ABCD3: variants seen among roughly 807,000 people sequenced by gnomAD.
ABCD3 encodes ATP binding cassette subfamily D member 3.
A neutral mutation model predicts 105.5 loss-of-function variants in ABCD3; 41 were observed. The ratio of observed to expected loss-of-function variants is 0.39; its 90% CI spans 0.30 to 0.50. The LOEUF (loss-of-function observed/expected upper bound fraction) is 0.50, where lower values mean the gene tolerates loss of function less well. Ranked by LOEUF, ABCD3 falls within the 20% of genes least tolerant of loss-of-function variation. The pLI is 0.84. For missense variants in ABCD3, 622 were observed against 806.3 expected, an observed-to-expected ratio of 0.77 and a Z score of 2.77; for synonymous variants, 258 against 269.0, an observed-to-expected ratio of 0.96 and a Z score of 0.40.
the ABCD3 span, among the ~76,000 whole-genome samples, chr1:94,406,178 AC>A: frequency 4.6e-5 from 7 of 151,916 alleles, no homozygotes; most frequent in African/African-American, 7.2e-5. Flanking sequence ...AAAAAAAAAA[AC>A]AACTATATTT....
chr1:94,447,398 T>A (rs772053995), intron 1 of ABCD3, among the ~76,000 whole-genome samples: 1 of 152,208 alleles, frequency 6.6e-6, no homozygotes, highest in Non-Finnish European at 1.5e-5. Context: ...TTAAAAAAAA[T>A]TGGCCTTTAA....
chr1:94,414,982 A>G (rs947075327), upstream of ABCD3, among the ~76,000 whole-genome samples: 1 of 152,156 alleles, frequency 6.6e-6, no homozygotes, highest in East Asian at 1.9e-4. Context: ...CTGAGGATGG[A>G]GGATCTGCTT....
intron 10 of ABCD3, among the ~76,000 whole-genome samples, chr1:94,486,240 A>T (rs886405946): frequency 1.3e-5 from 2 of 152,138 alleles, no homozygotes; most frequent in Non-Finnish European, 2.9e-5. Context: ...ATATGCAAAT[A>T]CTATGCCATT....
Position 94,474,039 on chromosome 1 carries a change from A to G in ABCD3, c.405+204A>G, listed in dbSNP as rs553070458. Among the ~76,000 whole-genome samples the G allele has an allele frequency of 2.1e-4, 31 of 148,822 alleles. No individual in the cohort carries two copies. In the South Asian group the frequency reaches 6.6e-3, roughly 32 times the overall value. On this transcript the variant is annotated intron_variant, in intron 5 of 22. Coordinates refer to ENST00000370214, the MANE Select transcript of ABCD3 (RefSeq NM_002858.4). ...GATTATGTTTGGTTTAATTTCATTT[A>G]TAATGTGTATATATATTCATATACA...
intron 3 of ABCD3, 143 bp downstream of exon 3, chr1:94,465,016 C>T (rs985737064): frequency 9.4e-6 from 7 of 744,414 alleles, no homozygotes; most frequent in African/African-American, 5.3e-5. Flanking sequence ...ATCTCCTCCA[C>T]TTCCGGGGAG....
At chr1:94,458,775 A>G in intron 2 of ABCD3, 132 bp downstream of exon 2, 1 of 849,890 alleles carries the variant, frequency 1.2e-6, no homozygotes, top group South Asian at 1.6e-5. Flanking sequence ...TCTACACATT[A>G]CAGGAATACT....
chr1:94,394,217 A>C, the ABCD3 span, among the ~76,000 whole-genome samples: 7 of 152,198 alleles, frequency 4.6e-5, no homozygotes, highest in African/African-American at 1.4e-4. Flanking sequence ...ACTGCTCACC[A>C]GGCACAATTA....
intron 19 of ABCD3, 81 bp downstream of exon 19, chr1:94,499,115 G>T: frequency 1.5e-6 from 2 of 1,292,778 alleles, no homozygotes; most frequent in East Asian, 2.3e-5. Context: ...TTAAATGCCA[G>T]GTAGTTTATC....
intron 1 of ABCD3, among the ~76,000 whole-genome samples, chr1:94,433,628 GTT>G (rs33917832): frequency 6.6e-5 from 9 of 136,134 alleles, no homozygotes; most frequent in Non-Finnish European, 1.1e-4. Context: ...ACAATGGTCA[GTT>G]TTTTTTTTTT....
chr1:94,390,340 T>C, the ABCD3 span, among the ~76,000 whole-genome samples: 4 of 152,210 alleles, frequency 2.6e-5, no homozygotes, highest in East Asian at 7.7e-4. Context: ...TCTCGTTCTG[T>C]CACCCAGGCT....
chr1:94,422,820 G>A (rs1300992142), intron 1 of ABCD3, among the ~76,000 whole-genome samples: 1 of 152,196 alleles, frequency 6.6e-6, no homozygotes, highest in Non-Finnish European at 1.5e-5. Flanking sequence ...TGGGAAATCA[G>A]TGGGCCAATT....
At chr1:94,483,988 C>T (rs1649157582) in intron 10 of ABCD3, among the ~76,000 whole-genome samples, 1 of 152,156 alleles carries the variant, frequency 6.6e-6, no homozygotes, top group Non-Finnish European at 1.5e-5. Flanking sequence ...AGGATATGAA[C>T]AGACACTTCT....
At chr1:94,463,478 A>G (rs774701418) in intron 2 of ABCD3, among the ~76,000 whole-genome samples, 15 of 152,194 alleles carry the variant, frequency 9.9e-5, no homozygotes, top group Non-Finnish European at 1.6e-4. Flanking sequence ...GCACATTTAC[A>G]TTATAGCTAA....
At chr1:94,515,255 ATG>A in intron 22 of ABCD3, 53 bp downstream of exon 22, 1 of 1,399,352 alleles carries the variant, frequency 7.1e-7, no homozygotes, top group Non-Finnish European at 1.0e-6. Flanking sequence ...TCTTTAAAAT[ATG>A]AATTCAGGTT....
chr1:94,440,406 C>G (rs1317452780), intron 1 of ABCD3, among the ~76,000 whole-genome samples: 1 of 152,144 alleles, frequency 6.6e-6, no homozygotes, highest in Non-Finnish European at 1.5e-5. Flanking sequence ...GTATTCTGTT[C>G]CTTGCAGTTT....
chr1:94,400,680 G>A, the ABCD3 span, among the ~76,000 whole-genome samples: 32 of 152,166 alleles, frequency 2.1e-4, no homozygotes, highest in Non-Finnish European at 4.4e-5. Flanking sequence ...AGCACCTAGA[G>A]AAAGAGGAGC....
intron 1 of ABCD3, among the ~76,000 whole-genome samples, chr1:94,435,808 G>A (rs550398690): frequency 1.2e-4 from 19 of 152,230 alleles, no homozygotes; most frequent in Admixed American, 3.9e-4. Context: ...TGTTAATTTC[G>A]TGTTATTACC....
Position 94,480,588 on chromosome 1 carries a change from C to G in ABCD3, c.809C>G (p.Ser270Cys). The G allele has an allele frequency of 6.2e-7, 1 of 1,613,692 alleles. No homozygotes were observed. Among genetic ancestry groups the G allele is most frequent in the Non-Finnish European group, 8.5e-7 (1 of 1,179,746 alleles). Residue 270 changes from serine (S) to cysteine (C), a missense_variant, in exon 9 of 23, where the codon TCT becomes TGT. Transcript: ENST00000370214. ...GAAGGAGAATATAGATATGTTAATT[C>G]TCGGCTCATCACAAACAGGTAAAGA... The part of the protein sequence containing the change: ...KYEGEYRYVN[S>C]RLITNSEEIA...
chr1:94,483,089 C>G, intron 9 of ABCD3, 81 bp from the exon 10 acceptor site: 1 of 904,282 alleles, frequency 1.1e-6, no homozygotes, highest in Non-Finnish European at 1.8e-6. Context: ...TACAAACATT[C>G]AGCCATCATA....
Sources: gnomAD v4.1 joint callset for allele counts (sites outside exome capture counted in the v4.1 genomes callset) on GRCh38, gnomAD v4.1.1 for gene constraint, MANE v1.5 for transcripts, NCBI Gene and HGNC (gene_info 2026-07-23, HGNC 2026-07-21) for gene names.